RGS7: variants seen among roughly 807,000 people sequenced by gnomAD.
The protein encoded by RGS7 is regulator of G-protein signaling 7.
In RGS7, 27 loss-of-function variants were observed where a neutral mutation model predicts 81.1. The ratio of observed to expected loss-of-function variants is 0.33; its 90% CI spans 0.25 to 0.46. The LOEUF is 0.46. Among genes scored for constraint, RGS7 ranks in the 20% least tolerant of loss-of-function variants. The probability of loss-of-function intolerance (pLI) is 1.00; values close to 1 mark genes in which losing one functional copy is unlikely to be tolerated. For missense variants in RGS7, 396 were observed against 607.4 expected (o/e 0.65, Z 3.66); for synonymous variants, 208 against 207.7 (o/e 1.00, Z -0.01).
intron 3 of RGS7, among the ~76,000 whole-genome samples, chr1:241,052,938 A>T (rs1341162994): frequency 1.3e-5 from 2 of 152,018 alleles, no homozygotes; most frequent in Admixed American, 6.6e-5. Context: ...CCTCTGCTTG[A>T]TTTGAAAGAC....
At chr1:241,033,474 T>C (rs1349973827) in intron 3 of RGS7, among the ~76,000 whole-genome samples, 1 of 152,160 alleles carries the variant, frequency 6.6e-6, no homozygotes, top group Non-Finnish European at 1.5e-5. Flanking sequence ...AAAAATGATA[T>C]ATTAAAATTT....
intron 3 of RGS7, among the ~76,000 whole-genome samples, chr1:241,018,637 C>T (rs555950643): frequency 1.1e-4 from 16 of 151,892 alleles, no homozygotes; most frequent in Admixed American, 7.2e-4. Flanking sequence ...ATTGGTGTGA[C>T]GGTAAGGTGG....
At chr1:240,980,819 A>G (rs1266184831) in intron 4 of RGS7, among the ~76,000 whole-genome samples, 1 of 152,200 alleles carries the variant, frequency 6.6e-6, no homozygotes, top group African/African-American at 2.4e-5. Flanking sequence ...ACAAACCAAC[A>G]AATCAGAAAC....
intron 3 of RGS7, among the ~76,000 whole-genome samples, chr1:241,038,693 G>A (rs542884386): frequency 6.6e-6 from 1 of 152,256 alleles, no homozygotes; most frequent in Admixed American, 6.5e-5. Flanking sequence ...TGAGAAGTGG[G>A]CAATGAACGT....
chr1:240,776,636 A>T (rs1218010686), intron 18 of RGS7, among the ~76,000 whole-genome samples: 5 of 152,218 alleles, frequency 3.3e-5, no homozygotes, highest in Non-Finnish European at 7.3e-5. Context: ...TTCTTGTTCA[A>T]TGGCTGAAAT....
chr1:241,060,561 G>C (rs2061690373), intron 3 of RGS7, among the ~76,000 whole-genome samples: 1 of 152,042 alleles, frequency 6.6e-6, no homozygotes, highest in Admixed American at 6.6e-5. Flanking sequence ...CTATTGATTG[G>C]TACCCTGGAC....
At chr1:241,004,163 C>T (rs804658) in intron 3 of RGS7, among the ~76,000 whole-genome samples, 23,841 of 152,190 alleles carry the variant, frequency 0.16, 2,052 homozygotes, top group Middle Eastern at 0.28. Flanking sequence ...ATCATTCTGA[C>T]TACTGCCTTT....
At chr1:241,214,112 T>C (rs893450953) in intron 2 of RGS7, among the ~76,000 whole-genome samples, 1 of 152,194 alleles carries the variant, frequency 6.6e-6, no homozygotes, top group African/African-American at 2.4e-5. Context: ...TGTCTTTTAC[T>C]TGCCTCTCCA....
intron 2 of RGS7, among the ~76,000 whole-genome samples, chr1:241,115,683 A>G (rs1282869262): frequency 6.6e-6 from 1 of 152,148 alleles, no homozygotes; most frequent in Non-Finnish European, 1.5e-5. Flanking sequence ...AACATTCTTT[A>G]TCCCACTTCT....
chr1:240,802,284 T>A (rs1204251295), intron 16 of RGS7, among the ~76,000 whole-genome samples: 4 of 152,178 alleles, frequency 2.6e-5, no homozygotes, highest in Admixed American at 2.0e-4. Context: ...ATTGATTACA[T>A]AAGGAGTTAT....
chr1:241,132,393 A>G (rs2067164130), intron 2 of RGS7: 1 of 154,504 alleles, frequency 6.5e-6, no homozygotes. Flanking sequence ...CAGAGGTACT[A>G]TGAGTGGGGA....
chr1:241,187,121 T>C (rs936763648), intron 2 of RGS7, among the ~76,000 whole-genome samples: 1 of 152,136 alleles, frequency 6.6e-6, no homozygotes, highest in East Asian at 1.9e-4. Context: ...AAGGACCCAG[T>C]ATAAACCTCT....
chr1:241,128,790 A>C (rs1054467629), intron 2 of RGS7, among the ~76,000 whole-genome samples: 7 of 150,276 alleles, frequency 4.7e-5, no homozygotes, highest in African/African-American at 1.7e-4. Context: ...AAAAAAAAAA[A>C]AAAAAAAAAC....
intron 2 of RGS7, among the ~76,000 whole-genome samples, chr1:241,151,483 C>T (rs58910618): frequency 0.011 from 1,705 of 151,684 alleles, 38 homozygotes; most frequent in East Asian, 0.06. Flanking sequence ...CCTAAACAAC[C>T]AGGAGAGGAG....
intron 3 of RGS7, among the ~76,000 whole-genome samples, chr1:241,038,469 AAAG>A (rs2060443421): frequency 6.6e-6 from 1 of 152,234 alleles, no homozygotes; most frequent in African/African-American, 2.4e-5. Context: ...GCACTGGGCA[AAAG>A]AAGCAATGAA....
rs144216016 is a variant in RGS7, at chr1:241,069,529, T to C, written c.175+29137A>G. Among the ~76,000 whole-genome samples the C allele has an allele frequency of 7.0e-4, 107 of 152,364 alleles. No individual in the cohort carries two copies. In the East Asian group the frequency reaches 0.014, roughly 20 times the overall value. On this transcript the variant is annotated intron_variant, in intron 3 of 18. Coordinates refer to ENST00000440928, the MANE Select transcript of RGS7 (RefSeq NM_001364886.1). ...AAAAGCATTATATTAATAATAATCA[T>C]AATGAGAAGAAATTATACAGTGATA... is the stretch of plus-strand genomic sequence containing the variant.
chr1:241,049,920 G>A (rs2061158194), intron 3 of RGS7, among the ~76,000 whole-genome samples: 1 of 152,130 alleles, frequency 6.6e-6, no homozygotes, highest in Non-Finnish European at 1.5e-5. Flanking sequence ...ACCAAGAGAT[G>A]CTTGACAAGA....
At chr1:241,325,813 G>A (rs2081459154) in intron 2 of RGS7, among the ~76,000 whole-genome samples, 1 of 152,110 alleles carries the variant, frequency 6.6e-6, no homozygotes, top group Non-Finnish European at 1.5e-5. Context: ...AAGGGAGGAG[G>A]AAGAGGAGGA....
chr1:241,198,576 T>C (rs1397158122), intron 2 of RGS7, among the ~76,000 whole-genome samples: 1 of 152,054 alleles, frequency 6.6e-6, no homozygotes, highest in Non-Finnish European at 1.5e-5. Flanking sequence ...AAAATTGACA[T>C]AAAATGAACA....
Sources: gnomAD v4.1 joint callset for allele counts (sites outside exome capture counted in the v4.1 genomes callset) on GRCh38, gnomAD v4.1.1 for gene constraint, MANE v1.5 for transcripts, NCBI Gene and HGNC (gene_info 2026-07-23, HGNC 2026-07-21) for gene names.